Variants in ITIH3 observed in about 807,000 individuals in gnomAD.
The protein encoded by ITIH3 is inter-alpha-trypsin inhibitor heavy chain 3.
A neutral mutation model predicts 96.5 loss-of-function variants in ITIH3; 81 were observed. The ratio of observed to expected loss-of-function variants is 0.84; its 90% CI spans 0.70 to 1.01. The LOEUF is 1.01. ITIH3 is among the 50% of genes least tolerant of loss of function. The pLI, the probability that ITIH3 is intolerant of heterozygous loss-of-function variation, is 0.00. For missense variants in ITIH3, 1,057 were observed against 1,139.3 expected (o/e 0.93, Z 1.04); for synonymous variants, 422 against 445.2 (o/e 0.95, Z 0.66).
In ITIH3 at chr3:52,808,690, A is replaced by G; in HGVS notation, c.*9A>G. ...TCCCCAACCTGTTTTGAGTAGACAC[A>G]CCAGCTCCTGTTGGGATGGATGGCC... is the stretch of plus-strand genomic sequence containing the variant. On this transcript the variant is annotated 3_prime_UTR_variant, in exon 22 of 22. Coordinates refer to ENST00000449956, the MANE Select transcript of ITIH3 (RefSeq NM_002217.4). 1 of 1,598,276 alleles carries G rather than the reference A, an allele frequency of 6.3e-7. No individual in the cohort carries two copies. Among genetic ancestry groups the G allele is most frequent in the African/African-American group, 1.3e-5 (1 of 74,820 alleles).
At chr3:52,804,657 G>A (rs1699971601) in intron 14 of ITIH3, 69 bp from the exon 15 acceptor site, 2 of 1,541,560 alleles carry the variant, frequency 1.3e-6, no homozygotes, top group Non-Finnish European at 1.8e-6. Context: ...AGCCAGCTCT[G>A]GTCCCTGCTC....
Position 52,808,752 on chromosome 3 carries a change from G to A in ITIH3, c.*71G>A. The A allele has an allele frequency of 2.6e-6, 4 of 1,562,932 alleles. No homozygotes were observed. Among genetic ancestry groups the A allele is most frequent in the Non-Finnish European group, 3.5e-6 (4 of 1,138,392 alleles). On this transcript the variant is annotated 3_prime_UTR_variant, in exon 22 of 22. Coordinates refer to ENST00000449956, the MANE Select transcript of ITIH3 (RefSeq NM_002217.4). ...GCATCTGGAACATGGGCACAGAGAG[G>A]GGCCTGTGGGAGGGGCTGGGAAAAT...
chr3:52,795,327 G>A (rs1699537825), intron 1 of ITIH3, among the ~76,000 whole-genome samples: 1 of 152,200 alleles, frequency 6.6e-6, no homozygotes, highest in African/African-American at 2.4e-5. Flanking sequence ...GGGGCATGTA[G>A]GGTGTGAAGA....
rs752135861 is a variant in ITIH3 at position 52,799,434 on chromosome 3, C to T, written c.852C>T (p.Asn284=). Residue 284 remains asparagine (N), a synonymous_variant, in exon 8 of 22, where the codon AAC becomes AAT. Coordinates refer to ENST00000449956, the MANE Select transcript of ITIH3 (RefSeq NM_002217.4). The part of the protein sequence containing the change: ...APQGLPVVPK[N]VAFVIDISGS... ...AAGGCCTTCCAGTGGTGCCTAAGAA[C>T]GTGGCCTTTGTGATTGACATCAGCG... 10 of 1,612,612 alleles carry T rather than the reference C, an allele frequency of 6.2e-6. No homozygotes were observed. Among genetic ancestry groups the T allele is most frequent in the Admixed American group, 5.0e-5 (3 of 59,718 alleles).
At chr3:52,808,426 T>A in intron 21 of ITIH3, 126 bp from the exon 22 acceptor site, 1 of 1,384,650 alleles carries the variant, frequency 7.2e-7, no homozygotes, top group Non-Finnish European at 1.0e-6. Context: ...TGTAACTTCA[T>A]TCTTGACCAA....
intron 18 of ITIH3, 37 bp downstream of exon 18, chr3:52,806,443 C>G (rs1325547179): frequency 6.5e-7 from 1 of 1,542,960 alleles, no homozygotes; most frequent in Non-Finnish European, 8.9e-7. Flanking sequence ...CCAGGGGGCT[C>G]TTCCTGGGAG....
In ITIH3 at chr3:52,797,866, A is replaced by T. The variant is rs762224522; in HGVS notation, c.599A>T (p.Glu200Val). The T allele has an allele frequency of 1.2e-6, 2 of 1,610,396 alleles. No homozygotes were observed. Among genetic ancestry groups the T allele is most frequent in the Non-Finnish European group, 8.5e-7 (1 of 1,178,614 alleles). The change falls in exon 6 of 22, where the codon GAG (glutamate) becomes GTG (valine). Residue 200 changes from glutamate (E) to valine (V), a missense_variant. Transcript: ENST00000449956. The stretch of plus-strand genomic sequence containing the variant: ...CAGGGAATCAGCATGCTGGATGCTG[A>T]GGCCTCTTTCATCACCAACGACCTC... Reference protein sequence around the residue: ...EPQGISMLDAEASFITNDLLG... With the variant: ...EPQGISMLDAVASFITNDLLG...
rs912141716 is a variant in ITIH3 at position 52,796,770 on chromosome 3, G to A, written c.313G>A (p.Val105Ile). ...TIDGVTYPGN[V>I]KEKEVAKKQY... ...CGACGGTGTTACCTACCCTGGGAATGTCAAGGAGAAGGAAGTTGCCAAGAA... is the reference window on the plus strand; with the variant it reads ...CGACGGTGTTACCTACCCTGGGAATATCAAGGAGAAGGAAGTTGCCAAGAA... The change falls in exon 4 of 22, where the codon GTC becomes ATC. Residue 105 changes from valine (V) to isoleucine (I), a missense_variant. Coordinates refer to ENST00000449956, the MANE Select transcript of ITIH3 (RefSeq NM_002217.4). 1 of 1,613,084 alleles carries A rather than the reference G, an allele frequency of 6.2e-7. No individual in the cohort carries two copies. Among genetic ancestry groups the A allele is most frequent in the Non-Finnish European group, 8.5e-7 (1 of 1,179,548 alleles).
rs781598200 is a variant in ITIH3, at chr3:52,801,145, A to G, written c.1382A>G (p.Gln461Arg). 15 of 1,570,886 alleles carry G rather than the reference A, an allele frequency of 9.5e-6. 1 individual carries two copies. In the East Asian group the frequency reaches 2.9e-4, roughly 31 times the overall value. Reference sequence around the variant, plus strand: ...GACTCTGATGCCGATTTGCAGTTGCAGGTATGCCTTGTCTTGCACACTTCC... The same window carrying G: ...GACTCTGATGCCGATTTGCAGTTGCGGGTATGCCTTGTCTTGCACACTTCC... Reference protein sequence around the residue: ...YEDSDADLQLQGFYEEVANPL... With the variant: ...YEDSDADLQLRGFYEEVANPL... The change falls in exon 11 of 22, where the codon CAG (glutamine) becomes CGG (arginine). Residue 461 changes from glutamine to arginine, a missense_variant and splice_region_variant. Physicochemically the swap from Gln to Arg is conservative, Grantham distance 43 (BLOSUM62 1). Coordinates refer to ENST00000449956, the MANE Select transcript of ITIH3 (RefSeq NM_002217.4).
At chr3:52,807,126 T>A in intron 19 of ITIH3, 21 bp downstream of exon 19, 1 of 1,565,404 alleles carries the variant, frequency 6.4e-7, no homozygotes, top group Admixed American at 1.9e-5. Context: ...CTACAAGGTC[T>A]CCAAGGTGGA....
intron 1 of ITIH3, among the ~76,000 whole-genome samples, chr3:52,795,392 C>T (rs1162403869): frequency 1.3e-5 from 2 of 152,140 alleles, no homozygotes; most frequent in Non-Finnish European, 2.9e-5. Flanking sequence ...GGATACCTGC[C>T]CCTCTCTGGA....
At chr3:52,804,918 G>A in intron 15 of ITIH3, 184 bp downstream of exon 15, 2 of 663,138 alleles carry the variant, frequency 3.0e-6, no homozygotes, top group Non-Finnish European at 5.3e-6. Context: ...ATCCCTGTGA[G>A]TTAATTGGGG....
At chr3:52,800,207 T>C (rs1699770603) in intron 9 of ITIH3, among the ~76,000 whole-genome samples, 1 of 152,014 alleles carries the variant, frequency 6.6e-6, no homozygotes, top group Non-Finnish European at 1.5e-5. Flanking sequence ...CCCTGTTTCA[T>C]ATGGAAAATG....
At position 52,797,801 on chromosome 3, in the gene ITIH3, A is replaced by G; in HGVS notation, c.550-16A>G. On this transcript the variant is annotated splice_polypyrimidine_tract_variant and intron_variant, in intron 5 of 21. Coordinates refer to ENST00000449956, the MANE Select transcript of ITIH3 (RefSeq NM_002217.4). ...TGAGGTCACTGAGTGACATTTCCTT[A>G]CTTTGGCCATTTCAGATCGAGGTAG... 1 of 1,542,390 alleles carries G rather than the reference A, an allele frequency of 6.5e-7. No homozygotes were observed. The highest frequency in any genetic ancestry group is 1.4e-5 in the African/African-American group (1 of 73,496).
At chr3:52,801,328 G>A (rs183885079) in intron 11 of ITIH3, among the ~76,000 whole-genome samples, 182 bp downstream of exon 11, 7 of 152,312 alleles carry the variant, frequency 4.6e-5, no homozygotes, top group African/African-American at 1.2e-4. Flanking sequence ...CAACAGGCCC[G>A]TTTCTTCAAC....
rs990952091 is a variant in ITIH3 at position 52,794,874 on chromosome 3, G to A, written c.71G>A (p.Arg24Lys). ...AGCTTGGCAGCCTCTGGCTTCCCGA[G>A]AAGCCCCTTTCGGCTGCTTGGGGTG... ...LSSLAASGFP[R>K]SPFRLLGKRS... The change falls in exon 1 of 22, where the codon AGA (arginine) becomes AAA (lysine). Residue 24 changes from arginine (R) to lysine (K), a missense_variant. Arg to Lys is a conservative substitution (Grantham distance 26). Transcript: ENST00000449956. 6.2e-7 allele frequency: 1 copy of A among 1,613,990 alleles called. No homozygotes were observed. Among genetic ancestry groups the A allele is most frequent in the Middle Eastern group, 1.6e-4 (1 of 6,062 alleles).
At chr3:52,805,563 A>G in intron 15 of ITIH3, 3 of 1,336,834 alleles carry the variant, frequency 2.2e-6, no homozygotes, top group South Asian at 2.0e-5. Flanking sequence ...AATGGCTTGC[A>G]TTTCAGCCAC....
At chr3:52,797,633 G>A (rs921997217) in intron 5 of ITIH3, among the ~76,000 whole-genome samples, 184 bp from the exon 6 acceptor site, 8 of 152,182 alleles carry the variant, frequency 5.3e-5, no homozygotes, top group South Asian at 2.1e-4. Flanking sequence ...AACACCTCCC[G>A]ATCAGCATAC....
intron 14 of ITIH3, 89 bp from the exon 15 acceptor site, chr3:52,804,637 T>A: frequency 6.9e-7 from 1 of 1,439,616 alleles, no homozygotes; most frequent in South Asian, 1.2e-5. Context: ...CTAGGGCTGG[T>A]CGGCCAAGCA....
Sources: allele counts gnomAD v4.1 joint callset (sites outside exome capture counted in the v4.1 genomes callset), GRCh38; gene constraint gnomAD v4.1.1; transcripts MANE v1.5; gene names NCBI Gene and HGNC (gene_info 2026-07-23, HGNC 2026-07-21).